EBF4: variants seen among roughly 807,000 people sequenced by gnomAD.
EBF4 encodes the protein EBF transcription factor 4.
A neutral mutation model predicts 67.1 loss-of-function variants in EBF4; 34 were observed. The observed-to-expected ratio is 0.51, with a 90% CI of 0.39 to 0.67. EBF4 has a LOEUF of 0.67. Ranked by LOEUF, EBF4 falls within the 30% of genes least tolerant of loss-of-function variation. The pLI is 0.00. For missense variants in EBF4, 837 were observed against 873.3 expected, an observed-to-expected ratio of 0.96 and a Z score of 0.52; for synonymous variants, 387 against 377.7, an observed-to-expected ratio of 1.02 and a Z score of -0.29.
chr20:2,732,347 C>G (rs989921678), intron 6 of EBF4, among the ~76,000 whole-genome samples: 1 of 152,164 alleles, frequency 6.6e-6, no homozygotes, highest in African/African-American at 2.4e-5. Flanking sequence ...GTCTTGAGCT[C>G]CTGGATTCAA....
chr20:2,697,833 C>G (rs1203478554), intron 1 of EBF4, among the ~76,000 whole-genome samples: 1 of 152,236 alleles, frequency 6.6e-6, no homozygotes. Context: ...TCTTCTCCTT[C>G]TGATGTGCTT....
chr20:2,708,163 G>A, intron 5 of EBF4, 143 bp downstream of exon 5: 1 of 871,296 alleles, frequency 1.1e-6, no homozygotes, highest in South Asian at 1.8e-5. Flanking sequence ...AGGTGATGAA[G>A]GGAGTGGTGA....
chr20:2,709,412 C>T (rs1230054341), intron 5 of EBF4, among the ~76,000 whole-genome samples, 162 bp from the exon 6 acceptor site: 1 of 148,810 alleles, frequency 6.7e-6, no homozygotes, highest in African/African-American at 2.5e-5. Context: ...CACAGCCTTT[C>T]TCCCCCAAGC....
chr20:2,753,961 C>CCCCCTTCGTTTTGAAACTTT (rs2088197821), intron 14 of EBF4, among the ~76,000 whole-genome samples: 1 of 151,404 alleles, frequency 6.6e-6, no homozygotes. Flanking sequence ...TCTGTGGGCA[C>CCCCCTTCGTTTTGAAACTTT]CCCCTTGGGC....
rs1568590379 is a variant in EBF4, at chr20:2,755,676, G to GGCC, written c.1593_1595dup (p.Ala533dup). 1 of 1,218,252 alleles carries GGCC rather than the reference G, an allele frequency of 8.2e-7. No homozygotes were observed. The highest frequency in any genetic ancestry group is 1.9e-5 in the African/African-American group (1 of 52,940). The allele number at this position is 1,218,252 out of a possible 1,614,324, so 75.5% of individuals were successfully genotyped here. ...CGGCTGCCTCCTCCATGTCCCTCCCGGCCGCTGCCCCCACCACCAGCGTGT... is the reference window on the plus strand; with the variant it reads ...CGGCTGCCTCCTCCATGTCCCTCCCGGCCGCCGCTGCCCCCACCACCAGCGTGT... On this transcript the variant is annotated inframe_insertion, in exon 15 of 17. Transcript: ENST00000609451. The surrounding 1 kb of genome is among the most constrained non-coding windows in gnomAD (Gnocchi z 4.7).
intron 1 of EBF4, among the ~76,000 whole-genome samples, chr20:2,695,930 T>A (rs1225672371): frequency 1.3e-5 from 2 of 151,882 alleles, no homozygotes; most frequent in Non-Finnish European, 2.9e-5. Flanking sequence ...TTAGGAATGT[T>A]CTTTTCCGTG....
At chr20:2,698,676 A>C (rs1451115158) in intron 1 of EBF4, among the ~76,000 whole-genome samples, 2 of 152,050 alleles carry the variant, frequency 1.3e-5, no homozygotes, top group African/African-American at 4.8e-5. Flanking sequence ...GATGAGATGC[A>C]GGAGTTTTTG....
Position 2,751,836 on chromosome 20 carries a change from A to C in EBF4, c.1107+48A>C. The stretch of plus-strand genomic sequence containing the variant: ...GCGGGGCTGAGGGTGTCCTGTGGGC[A>C]AGGGGGTGAGGAGGGGCTCCCGAGG... On this transcript the variant is annotated intron_variant, in intron 11 of 16. Coordinates refer to ENST00000609451, the Ensembl canonical transcript of EBF4. The surrounding 1 kb of genome is among the most constrained non-coding windows in gnomAD (Gnocchi z 5.2). 8 of 1,543,986 alleles carry C rather than the reference A, an allele frequency of 5.2e-6. No homozygotes were observed. Among genetic ancestry groups the C allele is most frequent in the Admixed American group, 2.0e-5 (1 of 50,968 alleles).
At position 2,756,620 on chromosome 20, in the gene EBF4, G is replaced by T. The variant is rs1257073414; in HGVS notation, c.1738+796G>T. ...ACGGGATCCCCTAGGACTCAATCTGGCATGCAGCAGGTGTTTAATAAATAG... is the reference window on the plus strand; with the variant it reads ...ACGGGATCCCCTAGGACTCAATCTGTCATGCAGCAGGTGTTTAATAAATAG... On this transcript the variant is annotated intron_variant, in intron 15 of 16. Coordinates refer to ENST00000609451, the Ensembl canonical transcript of EBF4. This position sits in a 1 kb window ranked among gnomAD's most constrained non-coding sequence, Gnocchi z 4.5. Among the ~76,000 whole-genome samples the T allele has an allele frequency of 1.3e-5, 2 of 152,198 alleles. No individual in the cohort carries two copies. Among genetic ancestry groups the T allele is most frequent in the Non-Finnish European group, 2.9e-5 (2 of 68,040 alleles).
Position 2,755,902 on chromosome 20 carries a change from G to A in EBF4, c.1738+78G>A. On this transcript the variant is annotated intron_variant, in intron 15 of 16. Transcript: ENST00000609451. The surrounding 1 kb of genome is among the most constrained non-coding windows in gnomAD (Gnocchi z 4.7). ...CAGCTGGGCTACAGGGGCCTGCTCT[G>A]TCCACATCTCACCAGTGCCTCATGC... is the stretch of plus-strand genomic sequence containing the variant. 1 of 1,348,484 alleles carries A rather than the reference G, an allele frequency of 7.4e-7. No individual in the cohort carries two copies. Among genetic ancestry groups the A allele is most frequent in the Non-Finnish European group, 1.0e-6 (1 of 996,942 alleles). The allele number at this position is 1,348,484 out of a possible 1,614,324, so 83.5% of individuals were successfully genotyped here.
intron 1 of EBF4, among the ~76,000 whole-genome samples, chr20:2,694,874 G>A (rs1278501884): frequency 1.3e-5 from 2 of 152,146 alleles, no homozygotes; most frequent in Admixed American, 6.5e-5. Context: ...GGGAACGCTG[G>A]GGGGCTCTGG....
chr20:2,697,401 C>G (rs928885641), intron 1 of EBF4, among the ~76,000 whole-genome samples: 1 of 149,800 alleles, frequency 6.7e-6, no homozygotes, highest in African/African-American at 2.5e-5. Flanking sequence ...AAAAATTAGC[C>G]GGGCGTGGTG....
chr20:2,701,750 G>A lies in EBF4; in HGVS notation c.138-3827G>A, dbSNP rs563832852. ...GCCTGAGAGCCTTCCAGGCCCCTTCGCTGGGCTAGATGACAGGATATAAAA... is the reference window on the plus strand; with the variant it reads ...GCCTGAGAGCCTTCCAGGCCCCTTCACTGGGCTAGATGACAGGATATAAAA... On this transcript the variant is annotated intron_variant, in intron 1 of 16. Coordinates refer to ENST00000609451, the Ensembl canonical transcript of EBF4. Among the ~76,000 whole-genome samples, 4 of 152,270 alleles carry A rather than the reference G, an allele frequency of 2.6e-5. No homozygotes were observed. The South Asian group carries it at 8.3e-4, about 32-fold the overall frequency.
chr20:2,701,512 CAGG>C (rs1452955177), intron 1 of EBF4, among the ~76,000 whole-genome samples: 1 of 152,256 alleles, frequency 6.6e-6, no homozygotes, highest in Non-Finnish European at 1.5e-5. Context: ...GGGGGGCAGC[CAGG>C]ACCCAGCAAT....
At chr20:2,752,315 C>A in intron 13 of EBF4, 42 bp from the exon 14 acceptor site, 1 of 1,200,102 alleles carries the variant, frequency 8.3e-7, no homozygotes, top group African/African-American at 1.6e-5. Flanking sequence ...CCGCCCCTCC[C>A]CGGCCGGCAC....
chr20:2,699,581 G>C (rs1229346223), intron 1 of EBF4, among the ~76,000 whole-genome samples: 1 of 152,194 alleles, frequency 6.6e-6, no homozygotes, highest in East Asian at 1.9e-4. Flanking sequence ...AAAGTGTTTT[G>C]AACATTGTGC....
At chr20:2,741,029 G>T (rs1274730306) in intron 6 of EBF4, among the ~76,000 whole-genome samples, 2 of 152,150 alleles carry the variant, frequency 1.3e-5, no homozygotes, top group Non-Finnish European at 2.9e-5. Context: ...AGAAGCTCCA[G>T]GCCAGGCATG....
chr20:2,734,787 C>T (rs943663483), intron 6 of EBF4, among the ~76,000 whole-genome samples: 5 of 152,196 alleles, frequency 3.3e-5, no homozygotes, highest in African/African-American at 1.2e-4. Flanking sequence ...CAACCCATTG[C>T]CAAAAGGTTC....
At chr20:2,743,020 C>G (rs906430550) in intron 6 of EBF4, among the ~76,000 whole-genome samples, 1 of 152,126 alleles carries the variant, frequency 6.6e-6, no homozygotes, top group South Asian at 2.1e-4. Flanking sequence ...GTGTGTGTCT[C>G]CCTCCAACTC....
Sources: allele counts gnomAD v4.1 joint callset (sites outside exome capture counted in the v4.1 genomes callset), GRCh38; gene constraint gnomAD v4.1.1; non-coding constraint Gnocchi (gnomAD v3.1); transcripts MANE v1.5; gene names NCBI Gene and HGNC (gene_info 2026-07-23, HGNC 2026-07-21).